Variants in VPS35L observed in about 807,000 individuals in gnomAD.
VPS35L encodes VPS35 endosomal protein-sorting factor-like.
A neutral mutation model predicts 133.0 loss-of-function variants in VPS35L; 83 were observed. That is an observed-to-expected ratio of 0.62 (90% CI 0.52 to 0.75). The LOEUF is 0.75. Ranked by LOEUF, VPS35L falls within the 30% of genes least tolerant of loss-of-function variation. VPS35L has a pLI of 0.00. For synonymous variants in VPS35L, 423 were observed against 449.9 expected, an observed-to-expected ratio of 0.94 and a Z score of 0.76; for missense variants, 1,083 against 1,206.8, an observed-to-expected ratio of 0.90 and a Z score of 1.52.
At chr16:19,560,495 A>G (rs1478736870) in intron 1 of VPS35L, among the ~76,000 whole-genome samples, 2 of 152,196 alleles carry the variant, frequency 1.3e-5, no homozygotes, top group African/African-American at 4.8e-5. Context: ...GACAACAGAT[A>G]AAATTAAGAG....
chr16:19,654,987 G>A (rs772101445), intron 26 of VPS35L, among the ~76,000 whole-genome samples: 15 of 152,124 alleles, frequency 9.9e-5, no homozygotes, highest in Non-Finnish European at 1.5e-4. Context: ...CTGGATAAAG[G>A]TATCCCCCTT....
chr16:19,569,424 G>T lies in VPS35L; in HGVS notation c.118G>T (p.Val40Phe). The T allele has an allele frequency of 1.3e-6, 2 of 1,594,216 alleles. No individual in the cohort carries two copies. The highest frequency in any genetic ancestry group is 1.7e-6 in the Non-Finnish European group (2 of 1,170,334). Residue 40 changes from valine to phenylalanine, a missense_variant and splice_region_variant, in exon 3 of 31, where the codon GTC becomes TTC. Val to Phe is a conservative substitution (Grantham distance 50). Transcript: ENST00000417362. ...TTACCTCCAGAAATTTTCCTCACAG[G>T]TCACAGAGTCAAAGACAAAGAAAGT... ...GDYHPLKPIT[V>F]TESKTKKVNR...
At position 19,669,197 on chromosome 16, in the gene VPS35L, G is replaced by A. The variant is rs145369935; in HGVS notation, c.2259G>A (p.Pro753=). 1.1e-5 allele frequency: 17 copies of A among 1,611,320 alleles called. No individual in the cohort carries two copies. Among genetic ancestry groups the A allele is most frequent in the Admixed American group, 5.0e-5 (3 of 59,970 alleles). The change falls in exon 27 of 31, where the codon CCG becomes CCA. Residue 753 remains proline (P), a synonymous_variant. Transcript: ENST00000417362. Reference sequence around the variant, plus strand: ...TCAAAGCCGCTATAAGCCTTGTTCCGGAAGTTCCAAAGATGATTAATATTG... The same window carrying A: ...TCAAAGCCGCTATAAGCCTTGTTCCAGAAGTTCCAAAGATGATTAATATTG... ...AFFKAAISLV[P]EVPKMINIDG...
chr16:19,591,585 G>C (rs1219917613), intron 7 of VPS35L, among the ~76,000 whole-genome samples: 1 of 152,014 alleles, frequency 6.6e-6, no homozygotes, highest in Non-Finnish European at 1.5e-5. Context: ...ACAAAGAAGA[G>C]GTTCTGTTGT....
intron 3 of VPS35L, among the ~76,000 whole-genome samples, chr16:19,572,684 G>A (rs1347367836): frequency 4.6e-5 from 7 of 151,972 alleles, no homozygotes; most frequent in Admixed American, 1.3e-4. Context: ...TGATGAAATG[G>A]TCTGAATTTT....
At chr16:19,675,022 T>A (rs1427115800) in intron 27 of VPS35L, among the ~76,000 whole-genome samples, 1 of 150,822 alleles carries the variant, frequency 6.6e-6, no homozygotes, top group Non-Finnish European at 1.5e-5. Flanking sequence ...ATAATCACAC[T>A]AGCGGCATCA....
At chr16:19,592,846 T>C (rs1972088184) in intron 8 of VPS35L, among the ~76,000 whole-genome samples, 1 of 151,984 alleles carries the variant, frequency 6.6e-6, no homozygotes. Flanking sequence ...CCACCACGCC[T>C]AGCTAGTTTT....
rs143753813 is a variant in VPS35L at position 19,579,049 on chromosome 16, T to C, written c.434-3T>C. 196 of 1,613,996 alleles carry C rather than the reference T, an allele frequency of 1.2e-4. 1 individual carries two copies. In the East Asian group the frequency reaches 3.6e-3, roughly 29 times the overall value. Reference sequence around the variant, plus strand: ...CTGTGTGACGTAAATTCATTCTGTTTAGGCAAAGCTGGGACTGCCACATTG... The same window carrying C: ...CTGTGTGACGTAAATTCATTCTGTTCAGGCAAAGCTGGGACTGCCACATTG... On this transcript the variant is annotated splice_polypyrimidine_tract_variant and splice_region_variant and intron_variant, in intron 5 of 30. Coordinates refer to ENST00000417362, the MANE Select transcript of VPS35L (RefSeq NM_020314.7).
Position 19,669,195 on chromosome 16 carries a change from C to G in VPS35L, c.2257C>G (p.Pro753Ala), listed in dbSNP as rs968866368. Residue 753 changes from proline (P) to alanine (A), a missense_variant, in exon 27 of 31, where the codon CCG (proline) becomes GCG (alanine). Coordinates refer to ENST00000417362, the MANE Select transcript of VPS35L (RefSeq NM_020314.7). Reference sequence around the variant, plus strand: ...TTTCAAAGCCGCTATAAGCCTTGTTCCGGAAGTTCCAAAGATGATTAATAT... The same window carrying G: ...TTTCAAAGCCGCTATAAGCCTTGTTGCGGAAGTTCCAAAGATGATTAATAT... ...AFFKAAISLV[P>A]EVPKMINIDG... 3.7e-6 allele frequency: 6 copies of G among 1,611,764 alleles called. No homozygotes were observed. The highest frequency in any genetic ancestry group is 4.5e-5 in the East Asian group (2 of 44,856).
intron 28 of VPS35L, among the ~76,000 whole-genome samples, chr16:19,690,107 A>G (rs551271871): frequency 1.1e-4 from 16 of 152,092 alleles, no homozygotes; most frequent in African/African-American, 3.1e-4. Flanking sequence ...GGGTTTTGCT[A>G]TGTTGCTCAG....
chr16:19,618,282 A>G (rs1037825643), intron 14 of VPS35L, among the ~76,000 whole-genome samples: 14 of 152,294 alleles, frequency 9.2e-5, no homozygotes, highest in African/African-American at 3.4e-4. Context: ...CATGACTTTA[A>G]CCGAGCAATC....
intron 12 of VPS35L, among the ~76,000 whole-genome samples, chr16:19,613,727 T>C (rs1257401917): frequency 6.6e-6 from 1 of 152,152 alleles, no homozygotes; most frequent in Non-Finnish European, 1.5e-5. Context: ...GGTCTGGGGT[T>C]GGTGTCTGGG....
At position 19,674,377 on chromosome 16, in the gene VPS35L, G is replaced by C. The variant is rs552039633; in HGVS notation, c.2361+5078G>C. 3.4e-3 allele frequency among the ~76,000 whole-genome samples: 511 copies of C among 150,796 alleles called. 1 individual carries two copies. The highest frequency in any genetic ancestry group is 6.1e-3 in the Non-Finnish European group (411 of 67,730). ...TGGCTAATTTTTTTTTTGTCTTTTA[G>C]TAGAGACAGGATTTCATCATGTTGG... is the stretch of plus-strand genomic sequence containing the variant. On this transcript the variant is annotated intron_variant, in intron 27 of 30. Coordinates refer to ENST00000417362, the MANE Select transcript of VPS35L (RefSeq NM_020314.7).
At chr16:19,636,805 G>A (rs1288012616) in intron 19 of VPS35L, among the ~76,000 whole-genome samples, 1 of 152,158 alleles carries the variant, frequency 6.6e-6, no homozygotes, top group Non-Finnish European at 1.5e-5. Flanking sequence ...CTGGACCAAG[G>A]CCCTGTCAGC....
chr16:19,654,508 G>A (rs72767593), intron 26 of VPS35L, among the ~76,000 whole-genome samples: 30,665 of 149,366 alleles, frequency 0.21, 3,869 homozygotes, highest in Non-Finnish European at 0.27. Flanking sequence ...GCAGTGAGCC[G>A]AGATCGCACC....
Position 19,644,709 on chromosome 16 carries a change from T to C in VPS35L, c.1866-177T>C, listed in dbSNP as rs562758825. On this transcript the variant is annotated intron_variant, in intron 22 of 30. Coordinates refer to ENST00000417362, the MANE Select transcript of VPS35L (RefSeq NM_020314.7). Reference sequence around the variant, plus strand: ...AGATGAGAAACATATTTAAATTATGTTAATTGTGATTATGTATTTTTATCA... The same window carrying C: ...AGATGAGAAACATATTTAAATTATGCTAATTGTGATTATGTATTTTTATCA... Among the ~76,000 whole-genome samples the C allele has an allele frequency of 3.2e-4, 48 of 152,374 alleles. 2 individuals carry two copies. The South Asian group carries it at 8.3e-3, about 26-fold the overall frequency.
At chr16:19,642,641 G>A (rs998645570) in intron 22 of VPS35L, among the ~76,000 whole-genome samples, 165 bp downstream of exon 22, 2 of 152,224 alleles carry the variant, frequency 1.3e-5, no homozygotes, top group African/African-American at 4.8e-5. Flanking sequence ...AGAGGAAGGA[G>A]GCTGAGGTTA....
intron 18 of VPS35L, among the ~76,000 whole-genome samples, chr16:19,632,783 G>A (rs575992435): frequency 6.6e-6 from 1 of 152,374 alleles, no homozygotes; most frequent in Admixed American, 6.5e-5. Context: ...GCACCTGAGG[G>A]AGGGCCTGGG....
chr16:19,673,412 GTA>G (rs1432298907), intron 27 of VPS35L, among the ~76,000 whole-genome samples: 1 of 152,204 alleles, frequency 6.6e-6, no homozygotes, highest in Non-Finnish European at 1.5e-5. Context: ...TGCAGGCAGC[GTA>G]TGCCTTTCTC....
Sources: gnomAD v4.1 joint callset for allele counts (sites outside exome capture counted in the v4.1 genomes callset) on GRCh38, gnomAD v4.1.1 for gene constraint, MANE v1.5 for transcripts, NCBI Gene and HGNC (gene_info 2026-07-23, HGNC 2026-07-21) for gene names.